Variants in EIF4G3 observed in about 807,000 individuals in gnomAD.
The protein encoded by EIF4G3 is eukaryotic translation initiation factor 4 gamma 3, also known as eIF-4-gamma 3.
In EIF4G3, 34 loss-of-function variants were observed where a neutral mutation model predicts 186.4. That is an observed-to-expected ratio of 0.18 (90% confidence interval 0.14 to 0.24). EIF4G3 has a LOEUF of 0.24. Among genes scored for constraint, EIF4G3 ranks in the 10% least tolerant of loss-of-function variants. The probability of loss-of-function intolerance (pLI) is 1.00; values close to 1 mark genes in which losing one functional copy is unlikely to be tolerated. For missense variants in EIF4G3, 1,536 were observed against 1,948.5 expected, an observed-to-expected ratio of 0.79 and a Z score of 3.99; for synonymous variants, 673 against 679.5, an observed-to-expected ratio of 0.99 and a Z score of 0.15.
intron 2 of EIF4G3, among the ~76,000 whole-genome samples, chr1:21,173,836 A>G (rs779327750): frequency 7.9e-5 from 12 of 152,196 alleles, no homozygotes; most frequent in Non-Finnish European, 1.6e-4. Flanking sequence ...AATGTTATCC[A>G]CTTATTGAAC....
chr1:20,903,745 T>TA (rs1245522384), intron 15 of EIF4G3, among the ~76,000 whole-genome samples: 1 of 152,174 alleles, frequency 6.6e-6, no homozygotes, highest in Non-Finnish European at 1.5e-5. Flanking sequence ...GGGGTACTGT[T>TA]AGATACCCAA....
At chr1:20,941,304 G>A in intron 14 of EIF4G3, 187 bp downstream of exon 14, 3 of 1,555,586 alleles carry the variant, frequency 1.9e-6, no homozygotes, top group Non-Finnish European at 1.7e-6. Flanking sequence ...TGCATTTTTA[G>A]ACAATGGAGT....
At chr1:21,069,192 A>C (rs917282391) in intron 3 of EIF4G3, among the ~76,000 whole-genome samples, 8 of 152,220 alleles carry the variant, frequency 5.3e-5, no homozygotes, top group African/African-American at 1.4e-4. Context: ...GATGCAGTCC[A>C]AACTTGCTGC....
chr1:20,865,685 G>A (rs1275159120), intron 20 of EIF4G3, among the ~76,000 whole-genome samples: 2 of 152,020 alleles, frequency 1.3e-5, no homozygotes, highest in African/African-American at 4.8e-5. Context: ...GCTGGTTATC[G>A]CAAAACTGTT....
chr1:21,052,861 A>G (rs2094318846), intron 3 of EIF4G3, among the ~76,000 whole-genome samples: 1 of 152,240 alleles, frequency 6.6e-6, no homozygotes, highest in Admixed American at 6.5e-5. Flanking sequence ...GGGATGGCAG[A>G]CGGAGTCTCG....
At chr1:21,076,098 A>C (rs1000779035) in intron 3 of EIF4G3, among the ~76,000 whole-genome samples, 2 of 152,154 alleles carry the variant, frequency 1.3e-5, no homozygotes, top group African/African-American at 4.8e-5. Flanking sequence ...AGGCCACAAA[A>C]CAAGTCTCAG....
chr1:21,098,540 GAAAAAAAAAAA>G (rs59544256), intron 2 of EIF4G3, among the ~76,000 whole-genome samples: 1 of 72,720 alleles, frequency 1.4e-5, no homozygotes, highest in Admixed American at 2.0e-4. Flanking sequence ...GCCCTGTCTC[GAAAAAAAAAAA>G]AAAAAAAAAA....
chr1:21,068,108 C>T (rs1232701377), intron 3 of EIF4G3, among the ~76,000 whole-genome samples: 1 of 151,950 alleles, frequency 6.6e-6, no homozygotes, highest in African/African-American at 2.4e-5. Context: ...CACAGTGGCT[C>T]ATGCCTATAA....
chr1:21,166,957 T>C (rs1310760816), intron 2 of EIF4G3, among the ~76,000 whole-genome samples: 8 of 151,884 alleles, frequency 5.3e-5, no homozygotes, highest in African/African-American at 1.9e-4. Context: ...AATTTTTGTA[T>C]TTTCTGTAAA....
chr1:21,000,102 T>C (rs2083168874), intron 6 of EIF4G3, among the ~76,000 whole-genome samples: 1 of 150,206 alleles, frequency 6.7e-6, no homozygotes, highest in African/African-American at 2.4e-5. Context: ...AAGTATTTAA[T>C]AGCTTCACTA....
At chr1:21,168,622 C>T (rs1010285544) in intron 2 of EIF4G3, among the ~76,000 whole-genome samples, 16 of 151,814 alleles carry the variant, frequency 1.1e-4, no homozygotes, top group Admixed American at 2.6e-4. Context: ...GATGGGGTCT[C>T]ACTATGTTGC....
chr1:20,959,695 A>AATAATAATC (rs1553348370), intron 12 of EIF4G3, among the ~76,000 whole-genome samples: 16 of 146,358 alleles, frequency 1.1e-4, no homozygotes, highest in Non-Finnish European at 1.4e-4. Context: ...TAATAATAAT[A>AATAATAATC]ATCCCATCAA....
At chr1:20,891,139 T>G (rs969039528) in intron 18 of EIF4G3, among the ~76,000 whole-genome samples, 1 of 152,232 alleles carries the variant, frequency 6.6e-6, no homozygotes, top group Non-Finnish European at 1.5e-5. Context: ...TAAAGTTACT[T>G]TTGAAAATCA....
At chr1:21,080,696 G>C (rs2095749282) in intron 3 of EIF4G3, among the ~76,000 whole-genome samples, 1 of 152,020 alleles carries the variant, frequency 6.6e-6, no homozygotes, top group African/African-American at 2.4e-5. Flanking sequence ...TTTTAGTAGA[G>C]ATAGGGTTTC....
intron 7 of EIF4G3, among the ~76,000 whole-genome samples, chr1:20,993,523 T>C (rs2081581565): frequency 6.6e-6 from 1 of 152,198 alleles, no homozygotes; most frequent in Admixed American, 6.5e-5. Context: ...GAACATACTT[T>C]GCAATTTTTA....
chr1:21,060,043 C>T (rs1050832661), intron 3 of EIF4G3, among the ~76,000 whole-genome samples: 1 of 152,220 alleles, frequency 6.6e-6, no homozygotes, highest in Non-Finnish European at 1.5e-5. Context: ...CACCTACCTC[C>T]CAGGCTCAAG....
At chr1:21,094,097 A>G (rs187896288) in intron 2 of EIF4G3, among the ~76,000 whole-genome samples, 2 of 152,052 alleles carry the variant, frequency 1.3e-5, no homozygotes, top group African/African-American at 4.8e-5. Context: ...AACTTAAAGT[A>G]TAATAAAAAA....
chr1:20,977,281 G>T (rs1472223356), intron 10 of EIF4G3, among the ~76,000 whole-genome samples: 2 of 152,014 alleles, frequency 1.3e-5, no homozygotes, highest in African/African-American at 2.4e-5. Flanking sequence ...CCGCCTCCTG[G>T]GTTCAAGCAA....
chr1:20,957,976 A>G (rs1287522597), intron 12 of EIF4G3, among the ~76,000 whole-genome samples: 1 of 152,182 alleles, frequency 6.6e-6, no homozygotes, highest in African/African-American at 2.4e-5. Context: ...ACATTCAAAG[A>G]AGAACTGGTA....
Sources: allele counts gnomAD v4.1 joint callset (sites outside exome capture counted in the v4.1 genomes callset), GRCh38; gene constraint gnomAD v4.1.1; transcripts MANE v1.5; gene names NCBI Gene and HGNC (gene_info 2026-07-23, HGNC 2026-07-21).